The following MTDH variants were observed in gnomAD, a reference collection of about 807,000 sequenced individuals.
MTDH encodes the protein metadherin, also known as protein LYRIC.
In MTDH, 34 loss-of-function variants were observed where a neutral mutation model predicts 72.7. The observed-to-expected ratio is 0.47, with a 90% CI of 0.36 to 0.62. The LOEUF (loss-of-function observed/expected upper bound fraction) is 0.62. MTDH is among the 20% of genes least tolerant of loss of function. The pLI is 0.00. For synonymous variants in MTDH, 266 were observed against 268.9 expected (o/e 0.99, Z 0.10); for missense variants, 677 against 699.4 (o/e 0.97, Z 0.36).
chr8:97,682,369 G>T (rs1234519794), intron 2 of MTDH, among the ~76,000 whole-genome samples: 16 of 129,960 alleles, frequency 1.2e-4, no homozygotes, highest in African/African-American at 4.5e-4. Context: ...TGTGGTCTTG[G>T]CTCACTGCAA....
At position 97,661,305 on chromosome 8, in the gene MTDH, C is replaced by T. The variant is rs999958755; in HGVS notation, c.483+132C>T. On this transcript the variant is annotated intron_variant, in intron 2 of 11. Transcript: ENST00000336273. ...CAAAACTCAGAAAATCTGAATTAAC[C>T]ATAGTGGATGGGTGGTAAAAGTTTA... 4 of 601,616 alleles carry T rather than the reference C, an allele frequency of 6.6e-6. No individual in the cohort carries two copies. The African/African-American group carries it at 7.3e-5, about 11-fold the overall frequency. 37.3% of individuals were successfully genotyped at this position (601,616 alleles called of 1,614,324 possible). A position where few individuals can be genotyped will look rare whatever the true frequency, so the allele number is the denominator to read the frequency against.
At chr8:97,697,849 G>A (rs190551019) in intron 6 of MTDH, among the ~76,000 whole-genome samples, 66 of 152,170 alleles carry the variant, frequency 4.3e-4, no homozygotes, top group Middle Eastern at 3.4e-3. Flanking sequence ...TCCTCATTTG[G>A]TGACTCTGTA....
chr8:97,694,060 C>T (rs977903299), intron 6 of MTDH, among the ~76,000 whole-genome samples: 3 of 152,136 alleles, frequency 2.0e-5, no homozygotes, highest in Admixed American at 1.3e-4. Context: ...GTGCATTAAA[C>T]ATACGATTTT....
At chr8:97,721,683 C>T (rs900276440) in intron 10 of MTDH, among the ~76,000 whole-genome samples, 1 of 152,182 alleles carries the variant, frequency 6.6e-6, no homozygotes, top group African/African-American at 2.4e-5. Flanking sequence ...CCCGAAGGCA[C>T]TCCAAATTAC....
chr8:97,708,548 C>G (rs1291625138), intron 8 of MTDH, among the ~76,000 whole-genome samples: 5 of 110,600 alleles, frequency 4.5e-5, no homozygotes, highest in Non-Finnish European at 6.8e-5. Flanking sequence ...TCCCAAAGTG[C>G]TGGGATTACA....
At chr8:97,692,881 C>G (rs1057030476) in intron 6 of MTDH, among the ~76,000 whole-genome samples, 1 of 151,932 alleles carries the variant, frequency 6.6e-6, no homozygotes, top group African/African-American at 2.4e-5. Context: ...AGGCGCACAC[C>G]ACCACACTTG....
At chr8:97,686,579 A>G in intron 2 of MTDH, 89 bp from the exon 3 acceptor site, 1 of 683,854 alleles carries the variant, frequency 1.5e-6, no homozygotes, top group Non-Finnish European at 2.2e-6. Context: ...TTTAGTTGTC[A>G]GCATCATACA....
At chr8:97,658,678 A>G (rs1012492997) in intron 1 of MTDH, among the ~76,000 whole-genome samples, 5 of 152,174 alleles carry the variant, frequency 3.3e-5, no homozygotes, top group African/African-American at 4.8e-5. Context: ...TTTAGCAGAT[A>G]TAAGTTTTGT....
chr8:97,668,390 C>T lies in MTDH; in HGVS notation c.483+7217C>T, dbSNP rs547324729. Among the ~76,000 whole-genome samples, 7 of 152,178 alleles carry T rather than the reference C, an allele frequency of 4.6e-5. No individual in the cohort carries two copies. The South Asian group carries it at 1.5e-3, about 32-fold the overall frequency. On this transcript the variant is annotated intron_variant, in intron 2 of 11. Transcript: ENST00000336273. The stretch of plus-strand genomic sequence containing the variant: ...GTTACAAAATCATGCATAAAAGATT[C>T]ATGCACATTGCAATATAGGGGCACA...
At chr8:97,665,463 G>C (rs1011776735) in intron 2 of MTDH, among the ~76,000 whole-genome samples, 1 of 152,156 alleles carries the variant, frequency 6.6e-6, no homozygotes, top group Non-Finnish European at 1.5e-5. Context: ...CTTACCCTCA[G>C]ATTACAGGCT....
chr8:97,670,924 T>C (rs1284932890), intron 2 of MTDH, among the ~76,000 whole-genome samples: 1 of 149,994 alleles, frequency 6.7e-6, no homozygotes, highest in African/African-American at 2.5e-5. Flanking sequence ...GCCTGGCTAA[T>C]TTTTTTGTTT....
chr8:97,668,958 C>A (rs1812497789), intron 2 of MTDH, among the ~76,000 whole-genome samples: 1 of 152,148 alleles, frequency 6.6e-6, no homozygotes, highest in Non-Finnish European at 1.5e-5. Context: ...TTAGAAAACA[C>A]TCCCCAATCT....
chr8:97,699,644 T>G, intron 6 of MTDH, 110 bp from the exon 7 acceptor site: 1 of 656,074 alleles, frequency 1.5e-6, no homozygotes, highest in Non-Finnish European at 2.6e-6. Context: ...TTTTTCCTTT[T>G]AGGAGAAATT....
At chr8:97,682,280 ATTTTTTTTTTTTTTT>A (rs1175139487) in intron 2 of MTDH, among the ~76,000 whole-genome samples, 1 of 3,628 alleles carries the variant, frequency 2.8e-4, no homozygotes, top group African/African-American at 8.2e-4. Context: ...ATATATATAT[ATTTTTTTTTTTTTTT>A]TTTTTTTTTT....
At chr8:97,663,416 G>A (rs1426196857) in intron 2 of MTDH, among the ~76,000 whole-genome samples, 8 of 152,000 alleles carry the variant, frequency 5.3e-5, no homozygotes, top group Admixed American at 4.6e-4. Flanking sequence ...TATCTAGTAG[G>A]GACAGCTTAT....
chr8:97,666,970 T>C (rs1017545998), intron 2 of MTDH, among the ~76,000 whole-genome samples: 1 of 151,720 alleles, frequency 6.6e-6, no homozygotes, highest in African/African-American at 2.4e-5. Context: ...GTGCTGGGAT[T>C]ATAGGTGAGA....
At chr8:97,694,815 C>T (rs1000420459) in intron 6 of MTDH, among the ~76,000 whole-genome samples, 2 of 151,814 alleles carry the variant, frequency 1.3e-5, no homozygotes, top group African/African-American at 4.8e-5. Flanking sequence ...CCCAGCTACT[C>T]GGGAGGCCGA....
In MTDH at chr8:97,723,038, A is replaced by T; in HGVS notation, c.1678+3A>T. On this transcript the variant is annotated splice_donor_region_variant and intron_variant, in intron 11 of 11. Coordinates refer to ENST00000336273, the MANE Select transcript of MTDH (RefSeq NM_178812.4). ...AAATAGTGTGCCTCCTTCACAGAGT[A>T]AGTAATCCTCATTTTTTGTTCCTTT... 1 of 1,611,996 alleles carries T rather than the reference A, an allele frequency of 6.2e-7. No homozygotes were observed. The highest frequency in any genetic ancestry group is 8.5e-7 in the Non-Finnish European group (1 of 1,179,230).
At chr8:97,718,964 G>A in intron 9 of MTDH, 85 bp from the exon 10 acceptor site, 3 of 1,294,210 alleles carry the variant, frequency 2.3e-6, no homozygotes, top group Admixed American at 2.4e-5. Context: ...CCAGAGTGCT[G>A]GGATTACAGC....
Sources: allele counts gnomAD v4.1 joint callset (sites outside exome capture counted in the v4.1 genomes callset), GRCh38; gene constraint gnomAD v4.1.1; transcripts MANE v1.5; gene names NCBI Gene and HGNC (gene_info 2026-07-23, HGNC 2026-07-21).